The following IGSF23 variants were observed in gnomAD, a reference collection of about 807,000 sequenced individuals.
IGSF23 encodes immunoglobulin superfamily, member 23.
Under a neutral mutation model 17.8 loss-of-function variants are expected in IGSF23, and 14 were observed. The observed-to-expected ratio is 0.79, with a 90% CI of 0.52 to 1.23. The LOEUF (loss-of-function observed/expected upper bound fraction) is 1.23. Ranked by LOEUF, IGSF23 falls within the 50% of genes most tolerant of loss-of-function variation. The pLI is 0.00. For missense variants in IGSF23, 214 were observed against 241.7 expected, an observed-to-expected ratio of 0.89 and a Z score of 0.76; for synonymous variants, 85 against 92.5, an observed-to-expected ratio of 0.92 and a Z score of 0.46.
At chr19:44,624,785 G>A (rs889758785) in intron 2 of IGSF23, among the ~76,000 whole-genome samples, 1 of 151,558 alleles carries the variant, frequency 6.6e-6, no homozygotes, top group Non-Finnish European at 1.5e-5. Flanking sequence ...GAGTGGGCCA[G>A]GTGCAGTGGC....
intron 2 of IGSF23, among the ~76,000 whole-genome samples, chr19:44,625,010 T>A (rs1972614084): frequency 6.6e-6 from 1 of 151,450 alleles, no homozygotes; most frequent in South Asian, 2.1e-4. Context: ...AAGGCTACAG[T>A]GAGCTGTAAT....
intron 1 of IGSF23, among the ~76,000 whole-genome samples, chr19:44,615,457 C>G (rs976784414): frequency 2.0e-5 from 3 of 151,468 alleles, no homozygotes; most frequent in Non-Finnish European, 4.4e-5. Flanking sequence ...AACCCCGTCT[C>G]TACTAAAAAC....
intron 3 of IGSF23, among the ~76,000 whole-genome samples, chr19:44,630,648 A>G (rs1231795526): frequency 6.6e-6 from 1 of 152,226 alleles, no homozygotes; most frequent in Non-Finnish European, 1.5e-5. Flanking sequence ...GACAAGGCCA[A>G]TGGGGGCATC....
chr19:44,617,823 C>G (rs762798119), intron 1 of IGSF23, among the ~76,000 whole-genome samples: 1 of 152,142 alleles, frequency 6.6e-6, no homozygotes, highest in Non-Finnish European at 1.5e-5. Context: ...AACTGTAGGA[C>G]TAATCCCTTC....
At chr19:44,616,332 A>C (rs974827855) in intron 1 of IGSF23, among the ~76,000 whole-genome samples, 7 of 152,178 alleles carry the variant, frequency 4.6e-5, no homozygotes, top group Non-Finnish European at 1.0e-4. Flanking sequence ...ATTATTCTAT[A>C]ATGAGGAGCA....
chr19:44,620,673 C>T (rs778751933), intron 1 of IGSF23: 1 of 152,088 alleles, frequency 6.6e-6, no homozygotes, highest in African/African-American at 2.4e-5. Flanking sequence ...GGCCTGAAGG[C>T]TAATTCTTCT....
In IGSF23 at chr19:44,635,475, G is replaced by A. The variant is rs572395347; in HGVS notation, c.*31+10G>A. The stretch of plus-strand genomic sequence containing the variant: ...CCTGTCAGCTGAAGAGGTAATACCA[G>A]GAAGGGTGTGAAGGAAATCCTAGGT... On this transcript the variant is annotated intron_variant, in intron 4 of 4. Coordinates refer to ENST00000402988, the MANE Select transcript of IGSF23 (RefSeq NM_001205280.2). The A allele has an allele frequency of 4.9e-4, 759 of 1,540,324 alleles. 8 individuals are homozygous for A. In the South Asian group the frequency reaches 8.8e-3, roughly 18 times the overall value.
chr19:44,635,533 T>G (rs1972871962), intron 4 of IGSF23, 68 bp downstream of exon 4: 2 of 1,094,184 alleles, frequency 1.8e-6, no homozygotes, highest in African/African-American at 3.1e-5. Context: ...GGGCAGAGAC[T>G]CCATATGTGA....
At position 44,613,764 on chromosome 19, in the gene IGSF23, A is replaced by C; in HGVS notation, c.119A>C (p.Asn40Thr). 1 of 1,550,456 alleles carries C rather than the reference A, an allele frequency of 6.4e-7. No homozygotes were observed. The highest frequency in any genetic ancestry group is 1.2e-5 in the South Asian group (1 of 84,040). The stretch of plus-strand genomic sequence containing the variant: ...GCGGCTGGAGGTGACTTCCCAGCCA[A>C]CTTGGTGTAAGTCATGTGGGGAAGT... ...KDAAGGDFPANLVLQLMPLKT... is the reference protein window; with the variant it reads ...KDAAGGDFPATLVLQLMPLKT... Residue 40 changes from asparagine (N) to threonine (T), a missense_variant, in exon 1 of 5, where the codon AAC becomes ACC. Physicochemically the swap from Asn to Thr is moderately conservative, Grantham distance 65. Transcript: ENST00000402988.
At chr19:44,618,444 C>T (rs1196864168) in intron 1 of IGSF23, among the ~76,000 whole-genome samples, 1 of 152,200 alleles carries the variant, frequency 6.6e-6, no homozygotes, top group African/African-American at 2.4e-5. Context: ...GTGGGAGGGG[C>T]TGACTTCTCA....
intron 3 of IGSF23, among the ~76,000 whole-genome samples, chr19:44,628,255 T>C (rs1972698906): frequency 6.6e-6 from 1 of 152,148 alleles, no homozygotes; most frequent in Admixed American, 6.5e-5. Flanking sequence ...TGAGTGAATA[T>C]TTCTAAGAAA....
chr19:44,635,373 T>TCTGTCTCTCTCTCTCTCTCC (rs1568492495), intron 3 of IGSF23, 28 bp from the exon 4 acceptor site: 4 of 902,118 alleles, frequency 4.4e-6, no homozygotes, highest in Non-Finnish European at 5.7e-6. Flanking sequence ...TCTCTCTCTC[T>TCTGTCTCTCTCTCTCTCTCC]CTGTCTCTCT....
At position 44,630,133 on chromosome 19, in the gene IGSF23, T is replaced by C. The variant is rs372899256; in HGVS notation, c.545+2560T>C. ...ACTGTACAGACCTCTGTAATCTATG[T>C]TGTGAGGAAGAGAAATCTGTAGGTG... On this transcript the variant is annotated intron_variant, in intron 3 of 4. Transcript: ENST00000402988. 2.8e-4 allele frequency among the ~76,000 whole-genome samples: 43 copies of C among 152,202 alleles called. No individual in the cohort carries two copies. In the East Asian group the frequency reaches 5.2e-3, roughly 18 times the overall value.
At chr19:44,620,967 A>G (rs2123717791) in intron 1 of IGSF23, 1 of 152,198 alleles carries the variant, frequency 6.6e-6, no homozygotes, top group East Asian at 1.9e-4. Context: ...GCCTACAACA[A>G]TGCCTGACAA....
chr19:44,635,346 TA>T, intron 3 of IGSF23, 54 bp from the exon 4 acceptor site: 1 of 1,287,204 alleles, frequency 7.8e-7, no homozygotes, highest in Non-Finnish European at 1.1e-6. Flanking sequence ...CGATGATTCT[TA>T]TTCTCTCTCT....
intron 3 of IGSF23, among the ~76,000 whole-genome samples, chr19:44,628,549 A>G (rs1713545648): frequency 6.6e-6 from 1 of 152,030 alleles, no homozygotes; most frequent in South Asian, 2.1e-4. Flanking sequence ...GGAGTTTGAA[A>G]CCAGCCTGAG....
chr19:44,613,746 G>T lies in IGSF23; in HGVS notation c.101G>T (p.Gly34Val). 2.6e-6 allele frequency: 4 copies of T among 1,550,576 alleles called. No homozygotes were observed. Among genetic ancestry groups the T allele is most frequent in the Non-Finnish European group, 3.5e-6 (4 of 1,146,978 alleles). Reference sequence around the variant, plus strand: ...CCGATGCTAGAGAAGGATGCGGCTGGAGGTGACTTCCCAGCCAACTTGGTG... The same window carrying T: ...CCGATGCTAGAGAAGGATGCGGCTGTAGGTGACTTCCCAGCCAACTTGGTG... ...TDPMLEKDAA[G>V]GDFPANLVLQ... Residue 34 changes from glycine to valine, a missense_variant, in exon 1 of 5, where the codon GGA becomes GTA. By Grantham distance (109) the Gly-to-Val change is moderately radical. Transcript: ENST00000402988.
At position 44,617,010 on chromosome 19, in the gene IGSF23, C is replaced by T. The variant is rs182455031; in HGVS notation, c.125+3240C>T. 2.1e-3 allele frequency among the ~76,000 whole-genome samples: 321 copies of T among 151,936 alleles called. 1 individual carries two copies. Among genetic ancestry groups the T allele is most frequent in the African/African-American group, 7.1e-3 (293 of 41,452 alleles). ...AACTCCTGGACTTGAGGAATCTTCC[C>T]ACCTCAGCCTCCTGAGTAGCTGGGA... is the stretch of plus-strand genomic sequence containing the variant. On this transcript the variant is annotated intron_variant, in intron 1 of 4. Coordinates refer to ENST00000402988, the MANE Select transcript of IGSF23 (RefSeq NM_001205280.2).
At position 44,626,669 on chromosome 19, in the gene IGSF23, G is replaced by A. The variant is rs56141003; in HGVS notation, c.392-751G>A. ...TCTCAGCACTTTGGGAGGTTGAGGC[G>A]GGTGGGTCACTTGAGGCTAGGAGTT... On this transcript the variant is annotated intron_variant, in intron 2 of 4. Transcript: ENST00000402988. 4.9e-3 allele frequency among the ~76,000 whole-genome samples: 751 copies of A among 152,282 alleles called. 5 individuals are homozygous for A. The highest frequency in any genetic ancestry group is 7.0e-3 in the Non-Finnish European group (474 of 68,016).
Sources: gnomAD v4.1 joint callset for allele counts (sites outside exome capture counted in the v4.1 genomes callset) on GRCh38, gnomAD v4.1.1 for gene constraint, MANE v1.5 for transcripts, NCBI Gene and HGNC (gene_info 2026-07-23, HGNC 2026-07-21) for gene names.